The following PAX6 variants were observed in gnomAD, a reference collection of about 807,000 sequenced individuals.
PAX6 encodes paired box 6.
A neutral mutation model predicts 60.7 loss-of-function variants in PAX6; 7 were observed. That is an observed-to-expected ratio of 0.12 (90% CI 0.07 to 0.22). The LOEUF (loss-of-function observed/expected upper bound fraction) is 0.22, where lower values mean the gene tolerates loss of function less well. Ranked by LOEUF, PAX6 falls within the 10% of genes least tolerant of loss-of-function variation. The pLI, the probability that PAX6 is intolerant of heterozygous loss-of-function variation, is 1.00. For missense variants in PAX6, 355 were observed against 555.2 expected, an observed-to-expected ratio of 0.64 and a Z score of 3.62; for synonymous variants, 208 against 201.2, an observed-to-expected ratio of 1.03 and a Z score of -0.29.
upstream of PAX6, chr11:31,811,511 C>T: frequency 3.5e-6 from 1 of 289,538 alleles, no homozygotes; most frequent in African/African-American, 2.2e-5. Flanking sequence ...CCCCCGAGCC[C>T]GGGCTCTGGC....
intron 2 of PAX6, chr11:31,807,700 A>C (rs1956165759): frequency 6.6e-6 from 1 of 152,274 alleles, no homozygotes; most frequent in Non-Finnish European, 1.5e-5. Context: ...GACAGACGGC[A>C]AACAATGGCT....
chr11:31,802,296 A>G (rs1954256588), intron 5 of PAX6: 1 of 315,756 alleles, frequency 3.2e-6, no homozygotes, highest in South Asian at 4.2e-5. Flanking sequence ...ATAAACATGA[A>G]GAATAAACAA....
chr11:31,811,638 C>A (rs1167776328), upstream of PAX6: 3 of 163,082 alleles, frequency 1.8e-5, no homozygotes, highest in East Asian at 5.3e-4. Context: ...CCCCACTCCC[C>A]CTAAGCTGGA....
intron 8 of PAX6, among the ~76,000 whole-genome samples, chr11:31,798,801 G>T (rs1189274233): frequency 6.6e-6 from 1 of 152,174 alleles, no homozygotes; most frequent in Admixed American, 6.5e-5. Context: ...CTCACTTCCC[G>T]CCCTCAGACT....
intron 8 of PAX6, 95 bp from the exon 9 acceptor site, chr11:31,794,883 A>T: frequency 1.7e-6 from 2 of 1,161,052 alleles, no homozygotes; most frequent in Non-Finnish European, 2.6e-6. Flanking sequence ...AGAGCATTAT[A>T]TCCCGACAGC....
At chr11:31,811,558 T>G, upstream of PAX6, 5 of 222,426 alleles carry the variant, frequency 2.2e-5, no homozygotes, top group East Asian at 9.0e-5. Flanking sequence ...CACGCCGAGA[T>G]TCGGCGCGGC....
At chr11:31,800,577 C>T in intron 8 of PAX6, 114 bp downstream of exon 8, 5 of 1,272,606 alleles carry the variant, frequency 3.9e-6, no homozygotes, top group Non-Finnish European at 5.7e-6. Context: ...AATGCAGTCT[C>T]ACCCATGACA....
rs1954517879 is a variant in PAX6 at position 31,802,740 on chromosome 11, G to A, written c.105C>T (p.Ser35=). ...GGGAAATGTCGCACGGCCGGGCCCC[G>A]CTGTGAGCTAGCTCTACAATCTTCT... is the stretch of plus-strand genomic sequence containing the variant. The part of the protein sequence containing the change: ...TRQKIVELAH[S]GARPCDISRI... Residue 35 remains serine, a synonymous_variant, in exon 5 of 14, where the codon AGC becomes AGT. Transcript: ENST00000640368. The A allele has an allele frequency of 7.4e-6, 12 of 1,613,856 alleles. No individual in the cohort carries two copies. Among genetic ancestry groups the A allele is most frequent in the South Asian group, 1.1e-5 (1 of 91,052 alleles).
upstream of PAX6, chr11:31,814,436 C>T (rs577737521): frequency 6.6e-6 from 1 of 152,462 alleles, no homozygotes; most frequent in East Asian, 1.9e-4. Flanking sequence ...CTCCCAGCTT[C>T]AGAACCAAGA....
Position 31,797,983 on chromosome 11 carries a change from T to TGTGAGAGA in PAX6, c.565+2707_565+2708insTCTCTCAC, listed in dbSNP as rs1554984345. 3.4e-5 allele frequency among the ~76,000 whole-genome samples: 5 copies of TGTGAGAGA among 148,302 alleles called. No individual in the cohort carries two copies. In the South Asian group the frequency reaches 1.1e-3, roughly 32 times the overall value. On this transcript the variant is annotated intron_variant, in intron 8 of 13. Coordinates refer to ENST00000640368, the MANE Select transcript of PAX6 (RefSeq NM_001368894.2). ...ATAGGATTTGTTTCCTGGAAGGAGG[T>TGTGAGAGA]GAGAGAGAGAGAGAGAGAGAGAGAC...
chr11:31,815,848 G>C (rs1957352503), upstream of PAX6, among the ~76,000 whole-genome samples: 1 of 152,130 alleles, frequency 6.6e-6, no homozygotes, highest in African/African-American at 2.4e-5. Context: ...GTCTCACAGA[G>C]GGTGACTTCC....
At chr11:31,797,507 G>GAAAA (rs36004875) in intron 8 of PAX6, among the ~76,000 whole-genome samples, 43 of 101,358 alleles carry the variant, frequency 4.2e-4, no homozygotes, top group African/African-American at 6.4e-4. Context: ...TTTAAATCTG[G>GAAAA]AAAAAAAAAA....
chr11:31,808,539 TC>T (rs1956382215), intron 2 of PAX6: 1 of 152,210 alleles, frequency 6.6e-6, no homozygotes, highest in Non-Finnish European at 1.5e-5. Context: ...GGAATGGAAT[TC>T]CCCTAGGAGG....
rs894078221 is a variant in PAX6 at position 31,801,405 on chromosome 11, G to A, written c.399+156C>T. 6 of 1,526,000 alleles carry A rather than the reference G, an allele frequency of 3.9e-6. No individual in the cohort carries two copies. In the African/African-American group the frequency reaches 4.1e-5, roughly 11 times the overall value. The allele number at this position is 1,526,000 out of a possible 1,614,324, so 94.5% of individuals were successfully genotyped here. A position where few individuals can be genotyped will look rare whatever the true frequency, so the allele number is the denominator to read the frequency against. ...TTCCAGACAGTCAAAGAAAAGTCAG[G>A]GCATTCCTCTCTGTTCCCCCAGGTA... On this transcript the variant is annotated intron_variant, in intron 7 of 13. Coordinates refer to ENST00000640368, the MANE Select transcript of PAX6 (RefSeq NM_001368894.2).
chr11:31,796,466 G>T (rs530709283), intron 8 of PAX6, among the ~76,000 whole-genome samples: 1 of 146,984 alleles, frequency 6.8e-6, no homozygotes, highest in African/African-American at 2.5e-5. Context: ...AGGGCGCTTG[G>T]CTGGGGGGAT....
chr11:31,807,546 T>C (rs1460443201), intron 2 of PAX6: 1 of 152,278 alleles, frequency 6.6e-6, no homozygotes, highest in African/African-American at 2.4e-5. Context: ...CAACTTTTTA[T>C]CCCAAACCTC....
In PAX6 at chr11:31,800,077, C is replaced by A. The variant is rs1953123496; in HGVS notation, c.565+614G>T. ...CATCCCGCCGTCCTGCTCACAGTAT[C>A]TTCACCTCACCACTTCCACATAGTC... On this transcript the variant is annotated intron_variant, in intron 8 of 13. Transcript: ENST00000640368. 2.6e-5 allele frequency among the ~76,000 whole-genome samples: 4 copies of A among 151,914 alleles called. No homozygotes were observed. The South Asian group carries it at 8.3e-4, about 32-fold the overall frequency.
intron 2 of PAX6, chr11:31,810,508 C>G (rs1162722073): frequency 1.0e-5 from 2 of 197,540 alleles, no homozygotes; most frequent in Non-Finnish European, 2.0e-5. Flanking sequence ...GGCTAGGAGC[C>G]GCGGCTGCTG....
chr11:31,792,226 G>A (rs1950169999), intron 12 of PAX6: 1 of 152,240 alleles, frequency 6.6e-6, no homozygotes, highest in Admixed American at 6.5e-5. Flanking sequence ...TTCCTGCAAT[G>A]AGTTCCTCTA....
Sources: gnomAD v4.1 joint callset for allele counts (sites outside exome capture counted in the v4.1 genomes callset) on GRCh38, gnomAD v4.1.1 for gene constraint, MANE v1.5 for transcripts, NCBI Gene and HGNC (gene_info 2026-07-23, HGNC 2026-07-21) for gene names.